Variants in AFAP1L1 observed in about 807,000 individuals in gnomAD.
The protein encoded by AFAP1L1 is actin filament associated protein 1 like 1, also known as actin filament-associated protein 1-like 1.
A neutral mutation model predicts 99.8 loss-of-function variants in AFAP1L1; 77 were observed. The ratio of observed to expected loss-of-function variants is 0.77; its 90% CI spans 0.64 to 0.93. The LOEUF (loss-of-function observed/expected upper bound fraction) is 0.93. AFAP1L1 is among the 40% of genes least tolerant of loss of function. The probability of loss-of-function intolerance (pLI) is 0.00; values close to 1 mark genes in which losing one functional copy is unlikely to be tolerated. For missense variants in AFAP1L1, 893 were observed against 996.8 expected, an observed-to-expected ratio of 0.90 and a Z score of 1.40; for synonymous variants, 373 against 395.3, an observed-to-expected ratio of 0.94 and a Z score of 0.67.
At chr5:149,337,994 G>A (rs1013897971) in intron 18 of AFAP1L1, among the ~76,000 whole-genome samples, 7 of 152,170 alleles carry the variant, frequency 4.6e-5, no homozygotes, top group Non-Finnish European at 8.8e-5. Flanking sequence ...GAGGGAAAGC[G>A]AGCGTGGAAA....
At chr5:149,286,642 G>T (rs1056901286) in intron 1 of AFAP1L1, among the ~76,000 whole-genome samples, 1 of 152,142 alleles carries the variant, frequency 6.6e-6, no homozygotes, top group African/African-American at 2.4e-5. Context: ...GGAAGTGGGA[G>T]GTAAGAGGAT....
chr5:149,281,392 G>T (rs193301549), intron 1 of AFAP1L1, among the ~76,000 whole-genome samples: 1 of 152,206 alleles, frequency 6.6e-6, no homozygotes, highest in East Asian at 1.9e-4. Context: ...GCAGCTCAGC[G>T]TCATCTCCCT....
chr5:149,300,419 T>TC, intron 3 of AFAP1L1, 65 bp downstream of exon 3: 1 of 1,439,974 alleles, frequency 6.9e-7, no homozygotes, highest in South Asian at 1.2e-5. Flanking sequence ...TGCAGAAGGG[T>TC]CCCCCGACTG....
At chr5:149,289,346 A>C (rs1243148202) in intron 1 of AFAP1L1, among the ~76,000 whole-genome samples, 1 of 152,158 alleles carries the variant, frequency 6.6e-6, no homozygotes, top group Admixed American at 6.5e-5. Context: ...TAATTAACAC[A>C]CACAAAAGTC....
At chr5:149,315,738 G>T in intron 9 of AFAP1L1, 83 bp from the exon 10 acceptor site, 1 of 1,117,714 alleles carries the variant, frequency 8.9e-7, no homozygotes, top group Non-Finnish European at 1.3e-6. Context: ...TGGGGGAGTT[G>T]GAGGGAGATT....
At position 149,271,974 on chromosome 5, in the gene AFAP1L1, C is replaced by G; in HGVS notation, c.6C>G (p.Asp2Glu). 1 of 1,237,428 alleles carries G rather than the reference C, an allele frequency of 8.1e-7. No individual in the cohort carries two copies. Among genetic ancestry groups the G allele is most frequent in the Non-Finnish European group, 1.0e-6 (1 of 988,254 alleles). 76.7% of individuals were successfully genotyped at this position (1,237,428 alleles called of 1,614,324 possible). Reference sequence around the variant, plus strand: ...CCGGGGACCGGGCCGGCGCCATGGACCGAGGCCAGGGTAAGAGGGGCCGCG... The same window carrying G: ...CCGGGGACCGGGCCGGCGCCATGGAGCGAGGCCAGGGTAAGAGGGGCCGCG... M[D>E]RGQVLEQLLP... Residue 2 changes from aspartate to glutamate, a missense_variant, in exon 1 of 19, where the codon GAC becomes GAG. Physicochemically the swap from Asp to Glu is conservative, Grantham distance 45 (BLOSUM62 2). Coordinates refer to ENST00000296721, the MANE Select transcript of AFAP1L1 (RefSeq NM_152406.4).
At chr5:149,283,767 C>T (rs1755592987) in intron 1 of AFAP1L1, among the ~76,000 whole-genome samples, 1 of 152,084 alleles carries the variant, frequency 6.6e-6, no homozygotes. Context: ...GATGCAAAAC[C>T]AAGGGGGATT....
chr5:149,319,449 T>C, intron 12 of AFAP1L1, 133 bp from the exon 13 acceptor site: 1 of 1,025,968 alleles, frequency 9.7e-7, no homozygotes, highest in Non-Finnish European at 1.4e-6. Context: ...GCTATAATCT[T>C]ATTCCTCTTT....
chr5:149,300,040 A>G (rs1756145548), intron 2 of AFAP1L1, among the ~76,000 whole-genome samples: 1 of 152,216 alleles, frequency 6.6e-6, no homozygotes. Flanking sequence ...TGACAGCCCC[A>G]GTAATCTGTT....
chr5:149,295,409 G>T (rs1251732579), intron 1 of AFAP1L1, among the ~76,000 whole-genome samples: 2 of 152,142 alleles, frequency 1.3e-5, no homozygotes, highest in South Asian at 2.1e-4. Context: ...CTTTAGAAAC[G>T]ACTATAGCAA....
rs1756836604 is a variant in AFAP1L1 at position 149,317,735 on chromosome 5, T to C, written c.1274T>C (p.Leu425Pro). The C allele has an allele frequency of 6.2e-7, 1 of 1,613,898 alleles. No individual in the cohort carries two copies. The highest frequency in any genetic ancestry group is 8.5e-7 in the Non-Finnish European group (1 of 1,179,936). ...TEEEVPCCGY[L>P]NVLVNQGWKE... ...ACACCATTGTCTCCTCCAGGCTACC[T>C]GAACGTGCTGGTGAACCAGGGCTGG... Residue 425 changes from leucine (L) to proline (P), a missense_variant, in exon 12 of 19, where the codon CTG becomes CCG. Physicochemically the swap from Leu to Pro is moderately conservative, Grantham distance 98. Coordinates refer to ENST00000296721, the MANE Select transcript of AFAP1L1 (RefSeq NM_152406.4).
At chr5:149,273,788 C>G (rs140486158) in intron 1 of AFAP1L1, among the ~76,000 whole-genome samples, 1 of 151,380 alleles carries the variant, frequency 6.6e-6, no homozygotes, top group Non-Finnish European at 1.5e-5. Context: ...CCTAGTCGCC[C>G]GCCACCTCCC....
chr5:149,286,789 A>G (rs1315995140), intron 1 of AFAP1L1, among the ~76,000 whole-genome samples: 1 of 152,186 alleles, frequency 6.6e-6, no homozygotes, highest in Non-Finnish European at 1.5e-5. Flanking sequence ...TGATCACCCC[A>G]CTTTGATGTT....
chr5:149,331,116 G>C (rs925938471), intron 16 of AFAP1L1, among the ~76,000 whole-genome samples: 1 of 152,026 alleles, frequency 6.6e-6, no homozygotes, highest in Non-Finnish European at 1.5e-5. Flanking sequence ...GCATGAGAAA[G>C]GTACTAATAT....
At position 149,299,606 on chromosome 5, in the gene AFAP1L1, C is replaced by T. The variant is rs1209006725; in HGVS notation, c.114C>T (p.Ala38=). The change falls in exon 2 of 19, where the codon GCC becomes GCT. Residue 38 remains alanine (A), a synonymous_variant. Coordinates refer to ENST00000296721, the MANE Select transcript of AFAP1L1 (RefSeq NM_152406.4). ...DTTLEKKMAV[A]SILQSLQPLP... is the part of the protein sequence containing the mutation. ...CCCTGGAAAAGAAGATGGCCGTGGC[C>T]TCCATCCTGCAGAGCCTGCAGCCCC... is the stretch of plus-strand genomic sequence containing the variant. 1 of 1,614,178 alleles carries T rather than the reference C, an allele frequency of 6.2e-7. No individual in the cohort carries two copies. The highest frequency in any genetic ancestry group is 8.5e-7 in the Non-Finnish European group (1 of 1,180,018).
intron 7 of AFAP1L1, 66 bp downstream of exon 7, chr5:149,307,679 A>G (rs973181838): frequency 3.3e-6 from 5 of 1,501,638 alleles, no homozygotes; most frequent in Non-Finnish European, 4.6e-6. Context: ...GTGTCTCTAC[A>G]TACATGTGGA....
chr5:149,286,154 G>C (rs1229717316), intron 1 of AFAP1L1, among the ~76,000 whole-genome samples: 4 of 152,138 alleles, frequency 2.6e-5, no homozygotes, highest in African/African-American at 4.8e-5. Flanking sequence ...GGAGATTTTA[G>C]ATAATAATCA....
chr5:149,302,439 C>A lies in AFAP1L1; in HGVS notation c.349C>A (p.Leu117Ile). 6.3e-7 allele frequency: 1 copy of A among 1,591,894 alleles called. No homozygotes were observed. The highest frequency in any genetic ancestry group is 1.1e-5 in the South Asian group (1 of 87,146). Residue 117 changes from leucine (L) to isoleucine (I), a missense_variant, in exon 5 of 19, where the codon CTC becomes ATC. Transcript: ENST00000296721. ...GCAGGCGGCCGACCTGCCTCCACCG[C>A]TCCCCAACAAGCCTCCCCCTGAGGA... is the stretch of plus-strand genomic sequence containing the variant. ...LRNAADLPPP[L>I]PNKPPPEDYY...
At position 149,319,605 on chromosome 5, in the gene AFAP1L1, T is replaced by A. The variant is rs1756894664; in HGVS notation, c.1503T>A (p.Gly501=). The A allele has an allele frequency of 6.2e-7, 1 of 1,612,652 alleles. No homozygotes were observed. Among genetic ancestry groups the A allele is most frequent in the African/African-American group, 1.3e-5 (1 of 75,004 alleles). ...ILEASCSEDM[G]RWLGLLLVEM... ...AGGCAAGCTGTTCAGAGGACATGGG[T>A]CGCTGGCTCGGGCTGCTGCTGGTGG... is the stretch of plus-strand genomic sequence containing the variant. The change falls in exon 13 of 19, where the codon GGT becomes GGA. Residue 501 remains glycine (G), a synonymous_variant. Coordinates refer to ENST00000296721, the MANE Select transcript of AFAP1L1 (RefSeq NM_152406.4).
Sources: gnomAD v4.1 joint callset for allele counts (sites outside exome capture counted in the v4.1 genomes callset) on GRCh38, gnomAD v4.1.1 for gene constraint, MANE v1.5 for transcripts, NCBI Gene and HGNC (gene_info 2026-07-23, HGNC 2026-07-21) for gene names.